Variants in GMEB2 observed in about 807,000 individuals in gnomAD.
The protein encoded by GMEB2 is glucocorticoid modulatory element binding protein 2.
Under a neutral mutation model 45.7 loss-of-function variants are expected in GMEB2, and 7 were observed. The observed-to-expected ratio is 0.15, with a 90% CI of 0.09 to 0.29. The LOEUF (loss-of-function observed/expected upper bound fraction) is 0.29. Ranked by LOEUF, GMEB2 falls within the 10% of genes least tolerant of loss-of-function variation. The pLI, the probability that GMEB2 is intolerant of heterozygous loss-of-function variation, is 1.00. For synonymous variants in GMEB2, 322 were observed against 323.6 expected (o/e 1.00, Z 0.05); for missense variants, 582 against 739.2 (o/e 0.79, Z 2.47).
chr20:63,611,665 T>C (rs1305927268), intron 2 of GMEB2, among the ~76,000 whole-genome samples: 2 of 151,414 alleles, frequency 1.3e-5, no homozygotes, highest in African/African-American at 4.9e-5. Flanking sequence ...CAAGGAACAT[T>C]CCAGACACAG....
At chr20:63,591,109 T>C (rs767391380) in intron 9 of GMEB2, among the ~76,000 whole-genome samples, 8 of 152,178 alleles carry the variant, frequency 5.3e-5, no homozygotes, top group Non-Finnish European at 8.8e-5. Flanking sequence ...AAGTTGCTCT[T>C]GTGACATATT....
chr20:63,618,493 G>A (rs912434639), intron 2 of GMEB2, among the ~76,000 whole-genome samples: 6 of 152,178 alleles, frequency 3.9e-5, no homozygotes, highest in African/African-American at 1.4e-4. Context: ...TGTCCACCAA[G>A]GGAGGTCTGA....
At chr20:63,609,489 A>C (rs55896278) in intron 2 of GMEB2, among the ~76,000 whole-genome samples, 7,167 of 23,216 alleles carry the variant, frequency 0.31, 1,911 homozygotes, top group Middle Eastern at 0.45. Context: ...CTGACCCCAC[A>C]TCCATTTCTA....
At chr20:63,617,533 A>C (rs2089617265) in intron 2 of GMEB2, among the ~76,000 whole-genome samples, 1 of 152,176 alleles carries the variant, frequency 6.6e-6, no homozygotes, top group Non-Finnish European at 1.5e-5. Context: ...CAGATCAGGA[A>C]GAAAGGCCTA....
chr20:63,588,979 G>A lies in GMEB2; in HGVS notation c.*1110C>T. On this transcript the variant is annotated 3_prime_UTR_variant, in exon 10 of 10. Transcript: ENST00000370077. ...GCAGCTGCCCTGAGCAGCCCACCCG[G>A]GGCAGCCTCCTGAACACCCAGGGGC... The A allele has an allele frequency of 2.5e-6, 1 of 398,892 alleles. No individual in the cohort carries two copies. The highest frequency in any genetic ancestry group is 3.6e-5 in the East Asian group (1 of 28,100). The allele number at this position is 398,892 out of a possible 1,614,324, so 24.7% of individuals were successfully genotyped here.
At chr20:63,595,878 C>A (rs1486946379) in intron 5 of GMEB2, 111 bp from the exon 6 acceptor site, 1 of 903,406 alleles carries the variant, frequency 1.1e-6, no homozygotes, top group East Asian at 2.5e-5. Context: ...CTAGCAGAGG[C>A]GCTGGCAGCT....
rs766410488 is a variant in GMEB2 at position 63,604,816 on chromosome 20, C to G, written c.156G>C (p.Met52Ile). The G allele has an allele frequency of 1.2e-6, 2 of 1,610,298 alleles. No homozygotes were observed. Among genetic ancestry groups the G allele is most frequent in the South Asian group, 2.2e-5 (2 of 91,010 alleles). ...PHGGDLTEDN[M>I]ETENAAAAAA... is the part of the protein sequence containing the mutation. Reference sequence around the variant, plus strand: ...CTGCTGCCGCTGCATTTTCTGTCTCCATGTTATCTTCCGTCAGGTCGCCCC... The same window carrying G: ...CTGCTGCCGCTGCATTTTCTGTCTCGATGTTATCTTCCGTCAGGTCGCCCC... The change falls in exon 3 of 10, where the codon ATG becomes ATC. Residue 52 changes from methionine to isoleucine, a missense_variant. By Grantham distance (10) the Met-to-Ile change is conservative. Around this residue, in one of 3 missense-constraint regions of GMEB2, gnomAD observed 114 missense variants for 123.4 expected, o/e 0.92. Coordinates refer to ENST00000370077, the MANE Select transcript of GMEB2 (RefSeq NM_012384.5).
At chr20:63,595,815 AGGCACCT>A (rs750353802) in intron 5 of GMEB2, 48 bp from the exon 6 acceptor site, 8 of 1,591,110 alleles carry the variant, frequency 5.0e-6, no homozygotes, top group Middle Eastern at 1.7e-4. Flanking sequence ...CCAGAGCCGA[AGGCACCT>A]GGCCCGCCCA....
At chr20:63,614,535 G>A (rs546007737) in intron 2 of GMEB2, among the ~76,000 whole-genome samples, 12 of 152,256 alleles carry the variant, frequency 7.9e-5, no homozygotes, top group South Asian at 2.1e-4. Flanking sequence ...CCCTTTCCCC[G>A]GGGGAGTTTA....
chr20:63,612,817 G>A (rs1255570140), intron 2 of GMEB2, among the ~76,000 whole-genome samples: 1 of 152,208 alleles, frequency 6.6e-6, no homozygotes, highest in Non-Finnish European at 1.5e-5. Context: ...CAGACCAGCA[G>A]GTCCTTGCCA....
Position 63,602,989 on chromosome 20 carries a change from G to A in GMEB2, c.333C>T (p.Pro111=), listed in dbSNP as rs750447609. The A allele has an allele frequency of 2.3e-5, 37 of 1,613,890 alleles. No homozygotes were observed. The highest frequency in any genetic ancestry group is 1.8e-4 in the Admixed American group (11 of 59,980). ...ANLIWRKFVC[P]GINVKCVQYD... ...CCTGAACACATTTCACATTGATGCC[G>A]GGACACACAAACTTCCTCCAGATGA... is the stretch of plus-strand genomic sequence containing the variant. Residue 111 remains proline (P), a synonymous_variant, in exon 4 of 10, where the codon CCC becomes CCT. Coordinates refer to ENST00000370077, the MANE Select transcript of GMEB2 (RefSeq NM_012384.5).
chr20:63,616,541 C>T (rs1201939422), intron 2 of GMEB2, among the ~76,000 whole-genome samples: 4 of 152,240 alleles, frequency 2.6e-5, no homozygotes, highest in African/African-American at 4.8e-5. Flanking sequence ...AACCCAGAAG[C>T]GAGGAGCAGG....
chr20:63,617,161 T>C (rs369980382), intron 2 of GMEB2, among the ~76,000 whole-genome samples: 1 of 152,094 alleles, frequency 6.6e-6, no homozygotes, highest in Non-Finnish European at 1.5e-5. Flanking sequence ...GTGTTTTTTG[T>C]AGAGATGGGG....
rs938688888 is a variant in GMEB2 at position 63,589,868 on chromosome 20, G to T, written c.*221C>A. 2.3e-6 allele frequency: 1 copy of T among 426,396 alleles called. No homozygotes were observed. Among genetic ancestry groups the T allele is most frequent in the African/African-American group, 2.0e-5 (1 of 49,112 alleles). The allele number at this position is 426,396 out of a possible 1,614,324, so 26.4% of individuals were successfully genotyped here. On this transcript the variant is annotated 3_prime_UTR_variant, in exon 10 of 10. Coordinates refer to ENST00000370077, the MANE Select transcript of GMEB2 (RefSeq NM_012384.5). Reference sequence around the variant, plus strand: ...AAAAATATATTTCCCAAGAAAAAAGGGGGAGGAAACGTGGGACCTGAAGAC... The same window carrying T: ...AAAAATATATTTCCCAAGAAAAAAGTGGGAGGAAACGTGGGACCTGAAGAC...
intron 2 of GMEB2, among the ~76,000 whole-genome samples, chr20:63,606,204 GA>G (rs926210930): frequency 2.6e-5 from 4 of 151,628 alleles, no homozygotes; most frequent in South Asian, 2.1e-4. Context: ...GTATTAGAAG[GA>G]AAAAAATAAG....
Position 63,590,055 on chromosome 20 carries a change from C to T in GMEB2, c.*34G>A. ...CTGCCGCGGCTGAGAGACAGCCAGC[C>T]CTGTCCGTCCCAGGGGCCTCGCCCT... On this transcript the variant is annotated 3_prime_UTR_variant, in exon 10 of 10. Transcript: ENST00000370077. The T allele has an allele frequency of 6.7e-7, 1 of 1,488,530 alleles. No homozygotes were observed. The highest frequency in any genetic ancestry group is 8.9e-7 in the Non-Finnish European group (1 of 1,122,752). 92.2% of individuals were successfully genotyped at this position (1,488,530 alleles called of 1,614,324 possible).
At chr20:63,620,137 G>C (rs2146093688) in intron 1 of GMEB2, among the ~76,000 whole-genome samples, 1 of 152,326 alleles carries the variant, frequency 6.6e-6, no homozygotes, top group South Asian at 2.1e-4. Flanking sequence ...GACCTCAGGT[G>C]ATCCACTCAC....
intron 4 of GMEB2, 144 bp from the exon 5 acceptor site, chr20:63,598,004 C>G (rs2083212611): frequency 1.6e-6 from 1 of 612,520 alleles, no homozygotes; most frequent in South Asian, 1.8e-5. Context: ...TCCTACAGAG[C>G]ATTCAGGTAA....
intron 9 of GMEB2, among the ~76,000 whole-genome samples, chr20:63,591,334 GTGAACACACACACAC>G (rs57854851): frequency 0.11 from 17,448 of 151,922 alleles, 1,923 homozygotes; most frequent in East Asian, 0.3. Context: ...TGAACACGCA[GTGAACACACACACAC>G]TGAACACACA....
Sources: allele counts gnomAD v4.1 joint callset (sites outside exome capture counted in the v4.1 genomes callset), GRCh38; gene constraint gnomAD v4.1.1; regional missense constraint gnomAD v4.1.1; transcripts MANE v1.5; gene names NCBI Gene and HGNC (gene_info 2026-07-23, HGNC 2026-07-21).